The following ANKRD33B variants were observed in gnomAD, a reference collection of about 807,000 sequenced individuals.
ANKRD33B encodes the protein ankyrin repeat domain 33B.
ANKRD33B carries 6 observed loss-of-function variants against 21.5 expected under a neutral mutation model. That is an observed-to-expected ratio of 0.28 (90% CI 0.15 to 0.55). The LOEUF is 0.55. ANKRD33B is among the 20% of genes least tolerant of loss of function. ANKRD33B has a pLI of 0.94. For synonymous variants in ANKRD33B, 347 were observed against 342.4 expected, an observed-to-expected ratio of 1.01 and a Z score of -0.15; for missense variants, 698 against 747.2, an observed-to-expected ratio of 0.93 and a Z score of 0.77.
At position 10,649,949 on chromosome 5, in the gene ANKRD33B, C is replaced by A; in HGVS notation, c.1321C>A (p.Pro441Thr). 2 of 1,529,894 alleles carry A rather than the reference C, an allele frequency of 1.3e-6. No homozygotes were observed. Among genetic ancestry groups the A allele is most frequent in the South Asian group, 2.4e-5 (2 of 83,414 alleles). The allele number at this position is 1,529,894 out of a possible 1,614,324, so 94.8% of individuals were successfully genotyped here. A position where few individuals can be genotyped will look rare whatever the true frequency, so the allele number is the denominator to read the frequency against. The change falls in exon 4 of 4, where the codon CCG (proline) becomes ACG (threonine). Residue 441 changes from proline to threonine, a missense_variant. Pro to Thr is a conservative substitution (Grantham distance 38). Transcript: ENST00000296657. ...APAPTFQPERPARKGSTKDSG... is the reference protein window; with the variant it reads ...APAPTFQPERTARKGSTKDSG... Reference sequence around the variant, plus strand: ...CGCGCCCACCTTCCAGCCCGAGCGGCCGGCGCGGAAGGGCAGCACCAAGGA... The same window carrying A: ...CGCGCCCACCTTCCAGCCCGAGCGGACGGCGCGGAAGGGCAGCACCAAGGA...
intron 1 of ANKRD33B, among the ~76,000 whole-genome samples, chr5:10,607,704 G>A (rs1202271990): frequency 1.3e-5 from 2 of 152,234 alleles, no homozygotes; most frequent in Non-Finnish European, 2.9e-5. Context: ...TATATGATAA[G>A]TGGAAGAGAA....
At chr5:10,594,378 C>T (rs1019793196) in intron 1 of ANKRD33B, among the ~76,000 whole-genome samples, 16 of 151,988 alleles carry the variant, frequency 1.1e-4, no homozygotes, top group African/African-American at 3.4e-4. Flanking sequence ...CCACCACGCC[C>T]GGCTAATTTT....
chr5:10,583,994 C>T (rs1363916374), intron 1 of ANKRD33B, among the ~76,000 whole-genome samples: 4 of 152,166 alleles, frequency 2.6e-5, no homozygotes, highest in African/African-American at 9.7e-5. Context: ...GTCGGTCTTT[C>T]GAGGACATCC....
chr5:10,573,843 A>G (rs1579709865), intron 1 of ANKRD33B, among the ~76,000 whole-genome samples: 1 of 152,206 alleles, frequency 6.6e-6, no homozygotes, highest in Admixed American at 6.5e-5. Context: ...GGGAATTACA[A>G]TTTGAGATGC....
chr5:10,604,166 A>G (rs1372628810), intron 1 of ANKRD33B, among the ~76,000 whole-genome samples: 2 of 147,880 alleles, frequency 1.4e-5, no homozygotes, highest in African/African-American at 5.0e-5. Flanking sequence ...TGCTGGGATT[A>G]CAGGTGTGAG....
At chr5:10,644,557 G>A (rs1300177007) in intron 3 of ANKRD33B, among the ~76,000 whole-genome samples, 1 of 152,200 alleles carries the variant, frequency 6.6e-6, no homozygotes, top group African/African-American at 2.4e-5. Flanking sequence ...ATTCCAAGGC[G>A]CAAAGTGGAT....
Position 10,652,890 on chromosome 5 carries a change from G to A in ANKRD33B, c.*2777G>A. 4.2e-6 allele frequency: 1 copy of A among 237,160 alleles called. No homozygotes were observed. The highest frequency in any genetic ancestry group is 9.0e-6 in the Non-Finnish European group (1 of 111,136). 14.7% of individuals were successfully genotyped at this position (237,160 alleles called of 1,614,324 possible). ...AAAGCCTGCTGAGCCAACAAGCTTGGGGCAGGACACGGATTTCTTTGGCAA... is the reference window on the plus strand; with the variant it reads ...AAAGCCTGCTGAGCCAACAAGCTTGAGGCAGGACACGGATTTCTTTGGCAA... On this transcript the variant is annotated 3_prime_UTR_variant, in exon 4 of 4. Transcript: ENST00000296657. This position sits in a 1 kb window ranked among gnomAD's most constrained non-coding sequence, Gnocchi z 4.1.
chr5:10,616,796 G>A (rs1579737086), intron 1 of ANKRD33B, among the ~76,000 whole-genome samples: 1 of 152,198 alleles, frequency 6.6e-6, no homozygotes, highest in East Asian at 1.9e-4. Flanking sequence ...CCTTTGTTAC[G>A]AGGTCTCTTC....
At chr5:10,594,365 GCGCCACCA>G (rs1015026477) in intron 1 of ANKRD33B, among the ~76,000 whole-genome samples, 16 of 151,690 alleles carry the variant, frequency 1.1e-4, no homozygotes, top group Non-Finnish European at 1.9e-4. Flanking sequence ...TTACAGGCAT[GCGCCACCA>G]CGCCCGGCTA....
intron 2 of ANKRD33B, among the ~76,000 whole-genome samples, chr5:10,633,983 G>A (rs544973211): frequency 6.6e-6 from 1 of 152,196 alleles, no homozygotes; most frequent in African/African-American, 2.4e-5. Flanking sequence ...GGTTAAGGAG[G>A]GGGGAACACG....
At chr5:10,581,246 A>T (rs1183863077) in intron 1 of ANKRD33B, among the ~76,000 whole-genome samples, 1 of 152,306 alleles carries the variant, frequency 6.6e-6, no homozygotes, top group East Asian at 1.9e-4. Flanking sequence ...TTTGGGCACT[A>T]TTGTCAGAAT....
At chr5:10,575,745 T>C (rs2936585) in intron 1 of ANKRD33B, among the ~76,000 whole-genome samples, 148,517 of 152,286 alleles carry the variant, frequency 0.98, 72,541 homozygotes, top group South Asian at 1. Context: ...TGAAAAGAGT[T>C]GGTCTCAGAA....
At chr5:10,587,817 C>T (rs1397466143) in intron 1 of ANKRD33B, among the ~76,000 whole-genome samples, 2 of 152,086 alleles carry the variant, frequency 1.3e-5, no homozygotes, top group Non-Finnish European at 2.9e-5. Context: ...TTTTAAAAAT[C>T]CAACTTCTGC....
chr5:10,587,242 T>C (rs2126557588), intron 1 of ANKRD33B, among the ~76,000 whole-genome samples: 1 of 151,716 alleles, frequency 6.6e-6, no homozygotes, highest in Non-Finnish European at 1.5e-5. Context: ...CTCGAACTCC[T>C]GACCTGAAGT....
At chr5:10,635,660 C>G (rs1736840674) in intron 2 of ANKRD33B, among the ~76,000 whole-genome samples, 1 of 152,208 alleles carries the variant, frequency 6.6e-6, no homozygotes, top group African/African-American at 2.4e-5. Flanking sequence ...AGAGTTCACC[C>G]CTGATTTTGG....
In ANKRD33B at chr5:10,577,349, C is replaced by G. The variant is rs562851835; in HGVS notation, c.366+12516C>G. On this transcript the variant is annotated intron_variant, in intron 1 of 3. Coordinates refer to ENST00000296657, the MANE Select transcript of ANKRD33B (RefSeq NM_001164440.2). ...TTCACCATGTTGGTCAGGCATGTCT[C>G]GAACTCCTGACCTCAAGTGATCCAC... Among the ~76,000 whole-genome samples, 12 of 152,282 alleles carry G rather than the reference C, an allele frequency of 7.9e-5. No individual in the cohort carries two copies. In the East Asian group the frequency reaches 2.3e-3, roughly 29 times the overall value.
intron 2 of ANKRD33B, among the ~76,000 whole-genome samples, chr5:10,634,778 G>A (rs117256338): frequency 0.013 from 1,920 of 151,174 alleles, 54 homozygotes; most frequent in Admixed American, 0.062. Flanking sequence ...TCAATATGGC[G>A]TGTGTTTGGG....
Position 10,650,289 on chromosome 5 carries a change from G to A in ANKRD33B, c.*176G>A. ...CTGCTTCCAAGAGAGGGCTGAGGGAGCCACATGGATTCGCTTGTCGCCAGC... is the reference window on the plus strand; with the variant it reads ...CTGCTTCCAAGAGAGGGCTGAGGGAACCACATGGATTCGCTTGTCGCCAGC... On this transcript the variant is annotated 3_prime_UTR_variant, in exon 4 of 4. Coordinates refer to ENST00000296657, the MANE Select transcript of ANKRD33B (RefSeq NM_001164440.2). The A allele has an allele frequency of 1.6e-6, 1 of 643,198 alleles. No individual in the cohort carries two copies. Among genetic ancestry groups the A allele is most frequent in the Non-Finnish European group, 2.3e-6 (1 of 443,904 alleles). The allele number at this position is 643,198 out of a possible 1,614,324, so 39.8% of individuals were successfully genotyped here. A position where few individuals can be genotyped will look rare whatever the true frequency, so the allele number is the denominator to read the frequency against.
intron 3 of ANKRD33B, among the ~76,000 whole-genome samples, chr5:10,645,297 G>A (rs1402800824): frequency 6.6e-6 from 1 of 152,196 alleles, no homozygotes; most frequent in East Asian, 1.9e-4. Flanking sequence ...AGGGTTTGTA[G>A]AGTGGATAAC....
Sources: gnomAD v4.1 joint callset for allele counts (sites outside exome capture counted in the v4.1 genomes callset) on GRCh38, gnomAD v4.1.1 for gene constraint, Gnocchi (gnomAD v3.1) non-coding constraint, MANE v1.5 for transcripts, NCBI Gene and HGNC (gene_info 2026-07-23, HGNC 2026-07-21) for gene names.